MAP4K4: variants seen among roughly 807,000 people sequenced by gnomAD.
MAP4K4 encodes mitogen-activated protein kinase kinase kinase kinase 4.
A neutral mutation model predicts 189.6 loss-of-function variants in MAP4K4; 38 were observed. The observed-to-expected ratio is 0.20, with a 90% CI of 0.15 to 0.26. The LOEUF is 0.26. Among genes scored for constraint, MAP4K4 ranks in the 10% least tolerant of loss-of-function variants. The pLI is 1.00. For synonymous variants in MAP4K4, 610 were observed against 624.3 expected (o/e 0.98, Z 0.34); for missense variants, 1,054 against 1,726.9 (o/e 0.61, Z 6.91).
At chr2:101,784,784 A>AT (rs2089800323) in intron 2 of MAP4K4, among the ~76,000 whole-genome samples, 1 of 152,174 alleles carries the variant, frequency 6.6e-6, no homozygotes, top group Non-Finnish European at 1.5e-5. Context: ...GGCAGTTCCT[A>AT]TGTAAGTTGG....
intron 3 of MAP4K4, among the ~76,000 whole-genome samples, chr2:101,793,567 G>GGTT (rs1009381304): frequency 7.3e-6 from 1 of 136,972 alleles, no homozygotes; most frequent in African/African-American, 3.3e-5. Flanking sequence ...GACTCTTCAT[G>GGTT]GTTTTTTTTT....
intron 3 of MAP4K4, among the ~76,000 whole-genome samples, chr2:101,819,211 AGTGGTG>A (rs1047632314): frequency 1.3e-5 from 2 of 152,078 alleles, no homozygotes. Context: ...TGGTGGTGCT[AGTGGTG>A]GTGGTGGTAT....
At chr2:101,714,598 C>T (rs2047436192) in intron 2 of MAP4K4, among the ~76,000 whole-genome samples, 1 of 152,158 alleles carries the variant, frequency 6.6e-6, no homozygotes, top group South Asian at 2.1e-4. Context: ...AGAAAATGAG[C>T]CTTCCTAAGA....
At chr2:101,742,771 C>T (rs1164246435) in intron 2 of MAP4K4, among the ~76,000 whole-genome samples, 1 of 152,116 alleles carries the variant, frequency 6.6e-6, no homozygotes, top group Admixed American at 6.5e-5. Context: ...ACATATTACT[C>T]CTAACTGTAT....
intron 2 of MAP4K4, among the ~76,000 whole-genome samples, chr2:101,743,394 C>G (rs1192910639): frequency 6.6e-6 from 1 of 152,038 alleles, no homozygotes. Context: ...TAAGGAAGAG[C>G]GTTGATTTGA....
At chr2:101,892,757 C>A in exon 33 of MAP4K4, 1 of 383,382 alleles carries the variant, frequency 2.6e-6, no homozygotes. Flanking sequence ...ACCAATTTTA[C>A]TTTATGAATA....
At chr2:101,769,698 C>T (rs1395445305) in intron 2 of MAP4K4, among the ~76,000 whole-genome samples, 1 of 152,076 alleles carries the variant, frequency 6.6e-6, no homozygotes, top group South Asian at 2.1e-4. Flanking sequence ...ATTCTCCTGC[C>T]TCAGCCTCCT....
At chr2:101,821,637 GA>G (rs2096061647) in intron 3 of MAP4K4, among the ~76,000 whole-genome samples, 1 of 152,218 alleles carries the variant, frequency 6.6e-6, no homozygotes, top group Non-Finnish European at 1.5e-5. Flanking sequence ...AGTGAGTGGT[GA>G]GTGAATGTGA....
intron 2 of MAP4K4, among the ~76,000 whole-genome samples, chr2:101,769,701 A>C (rs927042820): frequency 4.6e-5 from 7 of 151,766 alleles, no homozygotes; most frequent in Non-Finnish European, 1.0e-4. Context: ...CTCCTGCCTC[A>C]GCCTCCTGAG....
At chr2:101,737,257 T>C (rs2060595126) in intron 2 of MAP4K4, among the ~76,000 whole-genome samples, 2 of 151,790 alleles carry the variant, frequency 1.3e-5, no homozygotes, top group Admixed American at 6.6e-5. Flanking sequence ...GGGCCAGAGC[T>C]GTGGGTTTTC....
intron 3 of MAP4K4, among the ~76,000 whole-genome samples, chr2:101,794,041 G>C (rs1266729138): frequency 3.3e-5 from 5 of 152,148 alleles, no homozygotes; most frequent in African/African-American, 1.2e-4. Context: ...GCTGTATTAA[G>C]AATTGACTAT....
chr2:101,819,356 G>A (rs1412317963), intron 3 of MAP4K4, among the ~76,000 whole-genome samples: 1 of 152,172 alleles, frequency 6.6e-6, no homozygotes, highest in Non-Finnish European at 1.5e-5. Flanking sequence ...TGTATAATAA[G>A]CATTAGTCAT....
chr2:101,797,300 T>G (rs2093808201), intron 3 of MAP4K4: 1 of 1,290,758 alleles, frequency 7.7e-7, no homozygotes, highest in Admixed American at 2.3e-5. Flanking sequence ...TGGCTTCTTC[T>G]GTTTTAGGGT....
chr2:101,860,231 C>T, intron 15 of MAP4K4: 1 of 312,120 alleles, frequency 3.2e-6, no homozygotes, highest in Non-Finnish European at 6.2e-6. Flanking sequence ...TGTGGCTCAA[C>T]TTTCTGACTT....
At chr2:101,829,781 G>GC (rs1301738969) in intron 6 of MAP4K4, 187 bp downstream of exon 6, 10 of 522,922 alleles carry the variant, frequency 1.9e-5, no homozygotes, top group Non-Finnish European at 3.2e-5. Flanking sequence ...CCATGTTTGT[G>GC]CCCCCCTGCC....
At chr2:101,876,292 C>G (rs1281115421) in intron 26 of MAP4K4, among the ~76,000 whole-genome samples, 2 of 152,184 alleles carry the variant, frequency 1.3e-5, no homozygotes, top group Non-Finnish European at 2.9e-5. Context: ...GTGGAAATGT[C>G]TCCACTGAGG....
chr2:101,806,552 A>G (rs1170043869), intron 3 of MAP4K4, among the ~76,000 whole-genome samples: 1 of 151,816 alleles, frequency 6.6e-6, no homozygotes, highest in Non-Finnish European at 1.5e-5. Context: ...ATTTTTATAT[A>G]TATTTTTAGT....
intron 3 of MAP4K4, among the ~76,000 whole-genome samples, chr2:101,813,267 A>G (rs74387393): frequency 0.035 from 5,264 of 152,266 alleles, 314 homozygotes; most frequent in African/African-American, 0.12. Context: ...ATTACATTCA[A>G]GAGAAAAATT....
Position 101,834,456 on chromosome 2 carries a change from T to C in MAP4K4, c.687T>C (p.Gly229=). The C allele has an allele frequency of 2.5e-6, 4 of 1,608,690 alleles. No homozygotes were observed. The South Asian group carries it at 4.5e-5, about 18-fold the overall frequency. The change falls in exon 8 of 33, where the codon GGT becomes GGC. Residue 229 remains glycine, a synonymous_variant. Transcript: ENST00000324219. ...TTACAGCCATTGAGATGGCAGAAGGTGCTCCCCGTAAGTAACTTTCTTTTC... is the reference window on the plus strand; with the variant it reads ...TTACAGCCATTGAGATGGCAGAAGGCGCTCCCCGTAAGTAACTTTCTTTTC...
Sources: allele counts gnomAD v4.1 joint callset (sites outside exome capture counted in the v4.1 genomes callset), GRCh38; gene constraint gnomAD v4.1.1; transcripts MANE v1.5; gene names NCBI Gene and HGNC (gene_info 2026-07-23, HGNC 2026-07-21).